Variants in DGKA observed in about 807,000 individuals in gnomAD.
DGKA encodes the protein diacylglycerol kinase alpha.
A neutral mutation model predicts 105.0 loss-of-function variants in DGKA; 35 were observed. The observed-to-expected ratio is 0.33, with a 90% CI of 0.25 to 0.44. The LOEUF is 0.44. DGKA is among the 20% of genes least tolerant of loss of function. DGKA has a pLI of 1.00. For synonymous variants in DGKA, 296 were observed against 332.0 expected, an observed-to-expected ratio of 0.89 and a Z score of 1.18; for missense variants, 665 against 915.0, an observed-to-expected ratio of 0.73 and a Z score of 3.53.
chr12:55,937,362 C>G (rs745968611), intron 3 of DGKA, 46 bp from the exon 4 acceptor site: 1 of 1,600,782 alleles, frequency 6.2e-7, no homozygotes, highest in South Asian at 1.1e-5. Context: ...TCAGCCCCAG[C>G]TCTGACCTTG....
intron 17 of DGKA, among the ~76,000 whole-genome samples, chr12:55,948,615 A>G (rs1277100262): frequency 1.3e-5 from 2 of 151,144 alleles, no homozygotes; most frequent in African/African-American, 2.4e-5. Context: ...GTGGTTCCAG[A>G]TACTCAGGAG....
chr12:55,950,802 G>A (rs1888006446), intron 17 of DGKA, among the ~76,000 whole-genome samples: 1 of 152,056 alleles, frequency 6.6e-6, no homozygotes, highest in Non-Finnish European at 1.5e-5. Flanking sequence ...TCGAACTCCT[G>A]GGTTTGAGCA....
chr12:55,935,703 C>CCA, intron 1 of DGKA: 1 of 165,072 alleles, frequency 6.1e-6, no homozygotes, highest in Non-Finnish European at 1.3e-5. Context: ...CTGTGGGTAC[C>CCA]CAGAGTCTCT....
At chr12:55,943,881 GT>G (rs1242554191) in intron 17 of DGKA, among the ~76,000 whole-genome samples, 2 of 151,950 alleles carry the variant, frequency 1.3e-5, no homozygotes, top group Admixed American at 6.6e-5. Flanking sequence ...TGTCTTCCCT[GT>G]ATTCTGCAAA....
chr12:55,939,722 A>G, intron 9 of DGKA, 193 bp downstream of exon 9: 2 of 627,062 alleles, frequency 3.2e-6, no homozygotes, highest in South Asian at 4.0e-5. Flanking sequence ...AATTGTGAGC[A>G]TTAAAAAAGT....
intron 13 of DGKA, 87 bp downstream of exon 13, chr12:55,941,067 G>T: frequency 6.9e-7 from 1 of 1,455,672 alleles, no homozygotes; most frequent in Non-Finnish European, 9.5e-7. Context: ...GGAGAGCCTG[G>T]TGGGGAGCGG....
In DGKA at chr12:55,952,628, C is replaced by T; in HGVS notation, c.1744-106C>T. 7.2e-7 allele frequency: 1 copy of T among 1,386,242 alleles called. No individual in the cohort carries two copies. Among genetic ancestry groups the T allele is most frequent in the Non-Finnish European group, 1.0e-6 (1 of 985,916 alleles). The allele number at this position is 1,386,242 out of a possible 1,614,324, so 85.9% of individuals were successfully genotyped here. ...ATTCCTTGCACACCTCCAAATCCTG[C>T]CTTCTCCAGTTTGTCATCTGGTGGA... is the stretch of plus-strand genomic sequence containing the variant. On this transcript the variant is annotated intron_variant, in intron 20 of 23. Coordinates refer to ENST00000331886, the MANE Select transcript of DGKA (RefSeq NM_001345.5). The surrounding 1 kb of genome is among the most constrained non-coding windows in gnomAD (Gnocchi z 5.1).
Position 55,953,669 on chromosome 12 carries a change from C to A in DGKA, c.2125-16C>A, listed in dbSNP as rs1888616988. The A allele has an allele frequency of 6.2e-7, 1 of 1,612,150 alleles. No individual in the cohort carries two copies. Among genetic ancestry groups the A allele is most frequent in the South Asian group, 1.1e-5 (1 of 91,052 alleles). ...GTATCAGGTCCTGCCTCTGAATGTG[C>A]TCCCTTCCCTTCCAGATCAAGATCA... On this transcript the variant is annotated splice_polypyrimidine_tract_variant and intron_variant, in intron 23 of 23. Transcript: ENST00000331886.
chr12:55,931,092 T>G (rs1338561824), upstream of DGKA: 2 of 152,142 alleles, frequency 1.3e-5, no homozygotes, highest in East Asian at 3.9e-4. Flanking sequence ...CTGCCCCATT[T>G]TCAATGAAGG....
intron 1 of DGKA, 30 bp from the exon 2 acceptor site, chr12:55,936,393 C>A: frequency 6.7e-7 from 1 of 1,483,136 alleles, no homozygotes; most frequent in South Asian, 1.4e-5. Flanking sequence ...GCTGGCTCTT[C>A]CCACTGTACG....
Position 55,953,516 on chromosome 12 carries a change from G to A in DGKA, c.2124+106G>A, listed in dbSNP as rs1198722678. 8 of 1,373,696 alleles carry A rather than the reference G, an allele frequency of 5.8e-6. No individual in the cohort carries two copies. In the East Asian group the frequency reaches 1.4e-4, roughly 24 times the overall value. The allele number at this position is 1,373,696 out of a possible 1,614,324, so 85.1% of individuals were successfully genotyped here. ...CCCTTCTGATGCCTGAACTTCCCCT[G>A]CACATCATTCATCCTAAACCCTGAT... On this transcript the variant is annotated intron_variant, in intron 23 of 23. Transcript: ENST00000331886.
intron 13 of DGKA, 110 bp from the exon 14 acceptor site, chr12:55,941,142 G>C (rs1015404116): frequency 1.5e-6 from 2 of 1,371,466 alleles, no homozygotes; most frequent in African/African-American, 1.5e-5. Flanking sequence ...ACAGGAGGGA[G>C]GGGGGAAATA....
chr12:55,948,964 G>A (rs2136390808), intron 17 of DGKA, among the ~76,000 whole-genome samples: 1 of 152,060 alleles, frequency 6.6e-6, no homozygotes, highest in East Asian at 1.9e-4. Flanking sequence ...AGAGGTTGCA[G>A]TGAGCTGAGA....
chr12:55,928,189 G>C, upstream of DGKA: 1 of 179,416 alleles, frequency 5.6e-6, no homozygotes, highest in African/African-American at 2.4e-5. Flanking sequence ...CCCGGCTGCA[G>C]GTTCCTCTCC....
chr12:55,938,574 C>A lies in DGKA; in HGVS notation c.399+14C>A. 3 of 1,614,120 alleles carry A rather than the reference C, an allele frequency of 1.9e-6. No individual in the cohort carries two copies. Among genetic ancestry groups the A allele is most frequent in the Non-Finnish European group, 2.5e-6 (3 of 1,180,002 alleles). On this transcript the variant is annotated intron_variant, in intron 6 of 23. Coordinates refer to ENST00000331886, the MANE Select transcript of DGKA (RefSeq NM_001345.5). ...CTGGACAGCTCAGTGAGTTGGGGAC[C>A]CTGTATGCTGGGCAAGGGAATATGT...
Position 55,952,721 on chromosome 12 carries a change from C to T in DGKA, c.1744-13C>T. ...GTACCCTCCCTAACTGGGACTGTGC[C>T]CCCTCCTCTCAGATCTGTGGGAAAC... On this transcript the variant is annotated splice_polypyrimidine_tract_variant and intron_variant, in intron 20 of 23. Transcript: ENST00000331886. The surrounding 1 kb of genome is among the most constrained non-coding windows in gnomAD (Gnocchi z 5.1). 3 of 1,613,840 alleles carry T rather than the reference C, an allele frequency of 1.9e-6. No homozygotes were observed. The highest frequency in any genetic ancestry group is 2.5e-6 in the Non-Finnish European group (3 of 1,179,966).
At position 55,932,960 on chromosome 12, in the gene DGKA, C is replaced by T. The variant is rs1054226466; in HGVS notation, c.-82+1616C>T. 4.9e-6 allele frequency: 1 copy of T among 202,310 alleles called. No homozygotes were observed. The highest frequency in any genetic ancestry group is 1.0e-5 in the Non-Finnish European group (1 of 99,616). 12.5% of individuals were successfully genotyped at this position (202,310 alleles called of 1,614,324 possible). On this transcript the variant is annotated intron_variant, in intron 1 of 23. Coordinates refer to ENST00000331886, the MANE Select transcript of DGKA (RefSeq NM_001345.5). The surrounding 1 kb of genome is among the most constrained non-coding windows in gnomAD (Gnocchi z 4.3). ...CGGGGCTCCTGCCCCTCTGGGGCAG[C>T]CTCAATATTCTGGAGACATAGCTAT...
chr12:55,937,254 TTC>T lies in DGKA; in HGVS notation c.139-152_139-151del, dbSNP rs535494924. The stretch of plus-strand genomic sequence containing the variant: ...TATTGCTTTAGGATAAAACAAGGGA[TTC>T]TATTAACTCAGGACTTAATCAAAGA... On this transcript the variant is annotated intron_variant, in intron 3 of 23. Coordinates refer to ENST00000331886, the MANE Select transcript of DGKA (RefSeq NM_001345.5). 5.2e-3 allele frequency among the ~76,000 whole-genome samples: 798 copies of T among 152,294 alleles called. 11 individuals are homozygous for T. The highest frequency in any genetic ancestry group is 0.017 in the African/African-American group (717 of 41,558).
chr12:55,939,628 G>T, intron 9 of DGKA, 99 bp downstream of exon 9: 1 of 1,175,710 alleles, frequency 8.5e-7, no homozygotes, highest in Non-Finnish European at 1.2e-6. Flanking sequence ...TTTGAATCCT[G>T]GGCTCTGCCA....
Sources: allele counts gnomAD v4.1 joint callset (sites outside exome capture counted in the v4.1 genomes callset), GRCh38; gene constraint gnomAD v4.1.1; non-coding constraint Gnocchi (gnomAD v3.1); transcripts MANE v1.5; gene names NCBI Gene and HGNC (gene_info 2026-07-23, HGNC 2026-07-21).